Variants in INPP4B observed in about 807,000 individuals in gnomAD.
INPP4B encodes inositol polyphosphate-4-phosphatase type II B, also known as inositol polyphosphate 4-phosphatase type II.
INPP4B carries 55 observed loss-of-function variants against 122.5 expected under a neutral mutation model. That is an observed-to-expected ratio of 0.45 (90% CI 0.36 to 0.56). INPP4B has a LOEUF of 0.56. Ranked by LOEUF, INPP4B falls within the 20% of genes least tolerant of loss-of-function variation. The pLI is 0.00. For synonymous variants in INPP4B, 403 were observed against 388.7 expected, an observed-to-expected ratio of 1.04 and a Z score of -0.43; for missense variants, 1,000 against 1,097.7, an observed-to-expected ratio of 0.91 and a Z score of 1.26.
At chr4:142,061,891 T>C (rs62328181) in intron 25 of INPP4B, among the ~76,000 whole-genome samples, 89 of 1,966 alleles carry the variant, frequency 0.045, 11 homozygotes, top group Non-Finnish European at 0.11. Context: ...CACACATATA[T>C]ATATATATAT....
intron 11 of INPP4B, among the ~76,000 whole-genome samples, chr4:142,258,047 C>T (rs951854675): frequency 4.0e-5 from 6 of 151,860 alleles, no homozygotes; most frequent in African/African-American, 1.2e-4. Flanking sequence ...GAAATAACGC[C>T]GCAAATCTAC....
chr4:142,713,370 G>A (rs1271692640), intron 2 of INPP4B, among the ~76,000 whole-genome samples: 2 of 152,180 alleles, frequency 1.3e-5, no homozygotes, highest in African/African-American at 4.8e-5. Flanking sequence ...CAGAATCATA[G>A]AGGAGGCTAG....
At chr4:142,378,299 T>C (rs558915275) in intron 7 of INPP4B, among the ~76,000 whole-genome samples, 167 of 152,288 alleles carry the variant, frequency 1.1e-3, no homozygotes, top group African/African-American at 3.9e-3. Flanking sequence ...AACAGAGTTG[T>C]AGCCTTGACC....
intron 9 of INPP4B, among the ~76,000 whole-genome samples, chr4:142,279,941 A>C (rs1290121648): frequency 6.6e-6 from 1 of 151,914 alleles, no homozygotes; most frequent in African/African-American, 2.4e-5. Flanking sequence ...TGATCCAAAC[A>C]CTTGAACAGA....
chr4:142,199,574 T>A (rs1356212367), intron 14 of INPP4B, among the ~76,000 whole-genome samples: 1 of 152,046 alleles, frequency 6.6e-6, no homozygotes, highest in Non-Finnish European at 1.5e-5. Context: ...ACTCACACAT[T>A]TTTTCTCTTC....
At chr4:142,648,245 C>A (rs1459082425) in intron 2 of INPP4B, among the ~76,000 whole-genome samples, 14 of 152,208 alleles carry the variant, frequency 9.2e-5, no homozygotes, top group Admixed American at 9.2e-4. Flanking sequence ...CAGCTCCCAG[C>A]ATGATCGATG....
At chr4:142,275,255 A>G in intron 9 of INPP4B, among the ~76,000 whole-genome samples, 1 of 151,978 alleles carries the variant, frequency 6.6e-6, no homozygotes, top group Admixed American at 6.6e-5. Context: ...GGAAAAAAAG[A>G]AAAAAGAAAA....
chr4:142,495,633 G>T (rs932426780), intron 2 of INPP4B, among the ~76,000 whole-genome samples: 1 of 151,906 alleles, frequency 6.6e-6, no homozygotes, highest in African/African-American at 2.4e-5. Flanking sequence ...TTAAGAAAAA[G>T]GTGCCAGCAC....
In INPP4B at chr4:142,026,858, T is replaced by C. The variant is rs1362445468; in HGVS notation, c.*1924A>G. On this transcript the variant is annotated 3_prime_UTR_variant, in exon 26 of 26. Transcript: ENST00000262992. ...AAATACAAATAAAAATTATTGCTTA[T>C]AAGAGTATTTACAGAATGATAAATT... 1 of 152,208 alleles carries C rather than the reference T, an allele frequency of 6.6e-6. No individual in the cohort carries two copies. 9.4% of individuals were successfully genotyped at this position (152,208 alleles called of 1,614,324 possible). A position where few individuals can be genotyped will look rare whatever the true frequency, so the allele number is the denominator to read the frequency against.
At chr4:142,794,754 A>G (rs755100884) in intron 1 of INPP4B, among the ~76,000 whole-genome samples, 3 of 151,922 alleles carry the variant, frequency 2.0e-5, no homozygotes, top group Non-Finnish European at 4.4e-5. Flanking sequence ...CAATTAAACA[A>G]TGACTAATAA....
intron 3 of INPP4B, among the ~76,000 whole-genome samples, chr4:142,450,943 T>C (rs900499976): frequency 6.6e-6 from 1 of 151,304 alleles, no homozygotes; most frequent in African/African-American, 2.4e-5. Flanking sequence ...TTGCTGTTTT[T>C]ATTTATATTA....
chr4:142,782,586 T>G (rs374071645), intron 1 of INPP4B, among the ~76,000 whole-genome samples: 92 of 151,728 alleles, frequency 6.1e-4, no homozygotes, highest in East Asian at 2.3e-3. Flanking sequence ...TGAACTAGTT[T>G]ACAGTCCCAC....
chr4:142,788,795 A>T (rs1776119111), intron 1 of INPP4B, among the ~76,000 whole-genome samples: 1 of 152,052 alleles, frequency 6.6e-6, no homozygotes, highest in African/African-American at 2.4e-5. Flanking sequence ...GAATGCCATT[A>T]ATTCATTCCT....
intron 2 of INPP4B, among the ~76,000 whole-genome samples, chr4:142,549,334 G>T (rs1727420241): frequency 6.6e-6 from 1 of 152,202 alleles, no homozygotes; most frequent in African/African-American, 2.4e-5. Context: ...ATGTGGGAGG[G>T]CACGGGAGCC....
chr4:142,211,798 A>T (rs189724625), intron 12 of INPP4B, among the ~76,000 whole-genome samples: 13 of 152,290 alleles, frequency 8.5e-5, no homozygotes, highest in South Asian at 2.1e-4. Flanking sequence ...TTGTGTAGCC[A>T]CTGGAGAAAC....
At chr4:142,277,854 G>A (rs943270318) in intron 9 of INPP4B, among the ~76,000 whole-genome samples, 24 of 151,866 alleles carry the variant, frequency 1.6e-4, no homozygotes, top group African/African-American at 4.6e-4. Flanking sequence ...TGGGAGTTAA[G>A]CTATGAGGAC....
At chr4:142,481,481 A>G (rs945958747) in intron 2 of INPP4B, among the ~76,000 whole-genome samples, 4 of 152,272 alleles carry the variant, frequency 2.6e-5, no homozygotes, top group African/African-American at 4.8e-5. Context: ...GAGGGAAGGA[A>G]CATTTAGAAG....
chr4:142,338,870 G>C (rs2151657380), intron 7 of INPP4B, among the ~76,000 whole-genome samples: 1 of 152,156 alleles, frequency 6.6e-6, no homozygotes, highest in Middle Eastern at 3.4e-3. Flanking sequence ...CACGGGCTCT[G>C]TGAACTACCT....
intron 8 of INPP4B, among the ~76,000 whole-genome samples, chr4:142,309,959 A>T (rs1459887149): frequency 6.6e-6 from 1 of 152,148 alleles, no homozygotes; most frequent in Non-Finnish European, 1.5e-5. Flanking sequence ...AGTCACAGAT[A>T]TCCAGACTGC....
Sources: allele counts gnomAD v4.1 joint callset (sites outside exome capture counted in the v4.1 genomes callset), GRCh38; gene constraint gnomAD v4.1.1; transcripts MANE v1.5; gene names NCBI Gene and HGNC (gene_info 2026-07-23, HGNC 2026-07-21).